POU6F2: variants seen among roughly 807,000 people sequenced by gnomAD.
POU6F2 encodes the protein POU domain, class 6, transcription factor 2.
POU6F2 carries 31 observed loss-of-function variants against 71.3 expected under a neutral mutation model. The ratio of observed to expected loss-of-function variants is 0.43; its 90% CI spans 0.33 to 0.59. The LOEUF (loss-of-function observed/expected upper bound fraction) is 0.59. Among genes scored for constraint, POU6F2 ranks in the 20% least tolerant of loss-of-function variants. The pLI, the probability that POU6F2 is intolerant of heterozygous loss-of-function variation, is 0.04. For missense variants in POU6F2, 783 were observed against 856.8 expected (o/e 0.91, Z 1.07); for synonymous variants, 347 against 355.7 (o/e 0.98, Z 0.27).
intron 2 of POU6F2, among the ~76,000 whole-genome samples, chr7:39,129,351 A>G (rs1434908627): frequency 1.3e-5 from 2 of 152,214 alleles, no homozygotes; most frequent in African/African-American, 4.8e-5. Flanking sequence ...TAGTTGCTCT[A>G]TGAATATCAG....
At chr7:39,140,748 C>G (rs1294104840) in intron 2 of POU6F2, among the ~76,000 whole-genome samples, 1 of 152,188 alleles carries the variant, frequency 6.6e-6, no homozygotes. Flanking sequence ...TCAGAAGTGG[C>G]CATCTCTGTG....
At chr7:39,165,166 GC>G (rs1380099428) in intron 2 of POU6F2, among the ~76,000 whole-genome samples, 2 of 152,142 alleles carry the variant, frequency 1.3e-5, no homozygotes, top group Non-Finnish European at 2.9e-5. Flanking sequence ...ATAATCTAAT[GC>G]CCTTGATTAA....
At chr7:39,239,174 G>T (rs954565350) in intron 4 of POU6F2, among the ~76,000 whole-genome samples, 20 of 152,154 alleles carry the variant, frequency 1.3e-4, no homozygotes, top group African/African-American at 4.6e-4. Flanking sequence ...AGAAGAGAAT[G>T]CTCTGGGCTG....
At chr7:39,415,093 G>T (rs575111467) in intron 6 of POU6F2, among the ~76,000 whole-genome samples, 3 of 151,996 alleles carry the variant, frequency 2.0e-5, no homozygotes, top group South Asian at 2.1e-4. Flanking sequence ...GCATAATCTC[G>T]GCTCACTGCA....
At chr7:39,169,282 A>T (rs1469215015) in intron 2 of POU6F2, among the ~76,000 whole-genome samples, 1 of 152,186 alleles carries the variant, frequency 6.6e-6, no homozygotes, top group Non-Finnish European at 1.5e-5. Context: ...TAAAAAGTTG[A>T]CTTGAAACTC....
chr7:39,062,882 CA>C (rs1414030333), intron 1 of POU6F2, among the ~76,000 whole-genome samples: 1 of 144,644 alleles, frequency 6.9e-6, no homozygotes, highest in African/African-American at 2.5e-5. Context: ...TGTTTTTTAC[CA>C]AAAAAGAGAT....
chr7:39,141,808 C>G (rs1792509655), intron 2 of POU6F2, among the ~76,000 whole-genome samples: 1 of 152,184 alleles, frequency 6.6e-6, no homozygotes, highest in Non-Finnish European at 1.5e-5. Context: ...TCACACCAGA[C>G]CGGGCACGGT....
intron 5 of POU6F2, among the ~76,000 whole-genome samples, chr7:39,375,960 C>A (rs558715917): frequency 6.6e-6 from 1 of 152,334 alleles, no homozygotes; most frequent in African/African-American, 2.4e-5. Context: ...AAATCCCACT[C>A]TGCCATTCAC....
Position 38,999,488 on chromosome 7 carries a change from G to A in POU6F2, c.105+21430G>A, listed in dbSNP as rs77493417. On this transcript the variant is annotated intron_variant, in intron 1 of 9. Coordinates refer to ENST00000518318, the MANE Select transcript of POU6F2 (RefSeq NM_001370959.1). ...AGCATATGTAGTATTTAGTATTTCTGTATGTGGTGTCAACTTTCATGTCAT... is the reference window on the plus strand; with the variant it reads ...AGCATATGTAGTATTTAGTATTTCTATATGTGGTGTCAACTTTCATGTCAT... 5.7e-3 allele frequency among the ~76,000 whole-genome samples: 871 copies of A among 152,262 alleles called. 8 individuals carry two copies. Among genetic ancestry groups the A allele is most frequent in the African/African-American group, 0.02 (829 of 41,556 alleles).
intron 6 of POU6F2, among the ~76,000 whole-genome samples, chr7:39,424,900 C>T (rs898630444): frequency 6.6e-6 from 1 of 151,808 alleles, no homozygotes; most frequent in Non-Finnish European, 1.5e-5. Context: ...GTAGTAGGAA[C>T]TGTCAACTGT....
intron 2 of POU6F2, among the ~76,000 whole-genome samples, chr7:39,111,664 A>G (rs1415832010): frequency 6.6e-6 from 1 of 152,222 alleles, no homozygotes; most frequent in Non-Finnish European, 1.5e-5. Flanking sequence ...ATGACATTGC[A>G]TGGTCTTCAG....
intron 1 of POU6F2, among the ~76,000 whole-genome samples, chr7:39,023,573 G>A (rs1334006242): frequency 6.6e-6 from 1 of 152,020 alleles, no homozygotes. Context: ...AGCCCCAAAT[G>A]TCAACAGAGT....
intron 4 of POU6F2, among the ~76,000 whole-genome samples, chr7:39,211,696 C>T (rs1213819774): frequency 1.3e-5 from 2 of 152,130 alleles, no homozygotes; most frequent in South Asian, 2.1e-4. Context: ...AGCCCTGTAA[C>T]CCAGCCTCAT....
intron 7 of POU6F2, among the ~76,000 whole-genome samples, chr7:39,450,511 T>A (rs1788632923): frequency 6.6e-6 from 1 of 152,104 alleles, no homozygotes; most frequent in East Asian, 1.9e-4. Flanking sequence ...GGCCTCCAAG[T>A]AGACCTAGAA....
chr7:39,456,133 A>G (rs1788797244), intron 8 of POU6F2, among the ~76,000 whole-genome samples: 1 of 152,180 alleles, frequency 6.6e-6, no homozygotes, highest in South Asian at 2.1e-4. Context: ...CCCTCCATAG[A>G]AACCTGAGAT....
At chr7:39,124,266 C>T (rs529533642) in intron 2 of POU6F2, among the ~76,000 whole-genome samples, 2 of 152,060 alleles carry the variant, frequency 1.3e-5, no homozygotes, top group African/African-American at 2.4e-5. Context: ...AAGCTGGTCT[C>T]GAACTCCTGA....
At chr7:39,128,500 A>G (rs1792190402) in intron 2 of POU6F2, among the ~76,000 whole-genome samples, 1 of 152,210 alleles carries the variant, frequency 6.6e-6, no homozygotes. Flanking sequence ...ATGGGTTACC[A>G]TAGATGCATA....
chr7:39,238,300 A>G (rs1794710988), intron 4 of POU6F2, among the ~76,000 whole-genome samples: 1 of 152,118 alleles, frequency 6.6e-6, no homozygotes, highest in Non-Finnish European at 1.5e-5. Context: ...CGCCTGACAC[A>G]TGGTAGTTGC....
At chr7:39,030,605 A>C (rs1202889808) in intron 1 of POU6F2, among the ~76,000 whole-genome samples, 1 of 144,088 alleles carries the variant, frequency 6.9e-6, no homozygotes, top group Non-Finnish European at 1.5e-5. Flanking sequence ...CACCTACTGA[A>C]GGACAATTTG....
Sources: allele counts gnomAD v4.1 joint callset (sites outside exome capture counted in the v4.1 genomes callset), GRCh38; gene constraint gnomAD v4.1.1; transcripts MANE v1.5; gene names NCBI Gene and HGNC (gene_info 2026-07-23, HGNC 2026-07-21).